Variants in THSD7A observed in about 807,000 individuals in gnomAD.
THSD7A encodes thrombospondin type 1 domain containing 7A, also known as thrombospondin type-1 domain-containing protein 7A.
THSD7A carries 96 observed loss-of-function variants against 231.3 expected under a neutral mutation model. The ratio of observed to expected loss-of-function variants is 0.41; its 90% CI spans 0.35 to 0.49. The LOEUF is 0.49. Ranked by LOEUF, THSD7A falls within the 20% of genes least tolerant of loss-of-function variation. THSD7A has a pLI of 0.05. For missense variants in THSD7A, 2,290 were observed against 2,070.2 expected, an observed-to-expected ratio of 1.11 and a Z score of -2.06; for synonymous variants, 940 against 743.3, an observed-to-expected ratio of 1.26 and a Z score of -4.30.
chr7:11,778,279 TAAATGATAAAA>T (rs147171286), intron 1 of THSD7A, among the ~76,000 whole-genome samples: 91,893 of 151,258 alleles, frequency 0.61, 28,635 homozygotes, highest in African/African-American at 0.75. Flanking sequence ...TTCCTATTTC[TAAATGATAAAA>T]AAATGATAAA....
intron 6 of THSD7A, among the ~76,000 whole-genome samples, chr7:11,502,884 CA>C (rs1787394433): frequency 6.6e-6 from 1 of 152,166 alleles, no homozygotes; most frequent in Non-Finnish European, 1.5e-5. Context: ...CTGCCCAAAG[CA>C]ATTTACAGAT....
chr7:11,450,009 A>G (rs142365817), intron 11 of THSD7A, among the ~76,000 whole-genome samples: 1,645 of 152,206 alleles, frequency 0.011, 13 homozygotes, highest in Middle Eastern at 0.027. Flanking sequence ...GTTATTTGAA[A>G]TGAGACTACT....
chr7:11,557,679 G>C (rs940408828), intron 4 of THSD7A, among the ~76,000 whole-genome samples: 2 of 152,074 alleles, frequency 1.3e-5, no homozygotes, highest in African/African-American at 4.8e-5. Flanking sequence ...AGAAGTCCAG[G>C]TTTCTTATTT....
At chr7:11,417,417 ACTCTACATTAAT>A in intron 17 of THSD7A, 21 bp downstream of exon 17, 1 of 1,524,832 alleles carries the variant, frequency 6.6e-7, no homozygotes. Flanking sequence ...AATTAAATAA[ACTCTACATTAAT>A]AAAAAGGTTA....
rs764639994 is a variant in THSD7A, at chr7:11,590,674, T to C, written c.1272-33A>G. 3 of 1,561,860 alleles carry C rather than the reference T, an allele frequency of 1.9e-6. No homozygotes were observed. The highest frequency in any genetic ancestry group is 2.6e-6 in the Non-Finnish European group (3 of 1,154,886). On this transcript the variant is annotated intron_variant, in intron 3 of 27. Coordinates refer to ENST00000423059, the MANE Select transcript of THSD7A (RefSeq NM_015204.3). This position sits in a 1 kb window ranked among gnomAD's most constrained non-coding sequence, Gnocchi z 4.4. ...AAGACAACACCACCAGCAGCAACCA[T>C]AATTATTGAATGACGTGTTTCTCTA...
intron 1 of THSD7A, among the ~76,000 whole-genome samples, chr7:11,750,377 C>T (rs1782458239): frequency 6.6e-6 from 1 of 151,828 alleles, no homozygotes; most frequent in African/African-American, 2.4e-5. Flanking sequence ...GTTGTCACTG[C>T]TATTAGTGTA....
chr7:11,748,185 T>C (rs1477291827), intron 1 of THSD7A, among the ~76,000 whole-genome samples: 1 of 151,762 alleles, frequency 6.6e-6, no homozygotes, highest in Non-Finnish European at 1.5e-5. Context: ...ACAACAGGAA[T>C]GGAGATGGGT....
At chr7:11,418,723 C>T (rs1784041603) in intron 16 of THSD7A, among the ~76,000 whole-genome samples, 1 of 152,114 alleles carries the variant, frequency 6.6e-6, no homozygotes. Context: ...AATGTCCTTT[C>T]CCTGTGGGAT....
chr7:11,428,236 T>C (rs564348205), intron 14 of THSD7A, among the ~76,000 whole-genome samples: 1 of 152,320 alleles, frequency 6.6e-6, no homozygotes, highest in South Asian at 2.1e-4. Context: ...TCTTTGCTAA[T>C]TCACTTATAG....
At chr7:11,803,747 C>T (rs1784336233) in intron 1 of THSD7A, among the ~76,000 whole-genome samples, 1 of 152,080 alleles carries the variant, frequency 6.6e-6, no homozygotes, top group Admixed American at 6.6e-5. Context: ...GTAGAATCAC[C>T]TGATGAGCTT....
At chr7:11,485,179 G>A (rs905376934) in intron 6 of THSD7A, among the ~76,000 whole-genome samples, 5 of 152,028 alleles carry the variant, frequency 3.3e-5, no homozygotes, top group South Asian at 2.1e-4. Context: ...ATGAGCCACC[G>A]CACCCAGACT....
At position 11,406,620 on chromosome 7, in the gene THSD7A, A is replaced by G. The variant is rs1330943347; in HGVS notation, c.4063-146T>C. 38 of 907,848 alleles carry G rather than the reference A, an allele frequency of 4.2e-5. No homozygotes were observed. The Admixed American group carries it at 1.1e-3, about 26-fold the overall frequency. The allele number at this position is 907,848 out of a possible 1,614,324, so 56.2% of individuals were successfully genotyped here. Reference sequence around the variant, plus strand: ...CCCTAGGGAAGAAGCCCTATAGGGCACTAGCAATAAAGCATACATTGAACA... The same window carrying G: ...CCCTAGGGAAGAAGCCCTATAGGGCGCTAGCAATAAAGCATACATTGAACA... On this transcript the variant is annotated intron_variant, in intron 21 of 27. Transcript: ENST00000423059. This position sits in a 1 kb window ranked among gnomAD's most constrained non-coding sequence, Gnocchi z 4.7.
intron 6 of THSD7A, among the ~76,000 whole-genome samples, chr7:11,502,473 G>A (rs981686462): frequency 6.6e-6 from 1 of 152,088 alleles, no homozygotes; most frequent in African/African-American, 2.4e-5. Flanking sequence ...ATACAAGACT[G>A]GTTCAACATA....
At chr7:11,393,489 A>G (rs1562573253) in intron 23 of THSD7A, among the ~76,000 whole-genome samples, 1 of 152,234 alleles carries the variant, frequency 6.6e-6, no homozygotes, top group Non-Finnish European at 1.5e-5. Context: ...CAGCAGGGGA[A>G]CAAAACTGGA....
At chr7:11,584,680 G>A (rs1459931320) in intron 4 of THSD7A, among the ~76,000 whole-genome samples, 3 of 152,102 alleles carry the variant, frequency 2.0e-5, no homozygotes, top group Non-Finnish European at 4.4e-5. Flanking sequence ...AAGATGAGAA[G>A]TTAAAAGACT....
chr7:11,553,866 C>T (rs34), intron 4 of THSD7A, among the ~76,000 whole-genome samples: 123,841 of 151,856 alleles, frequency 0.82, 50,952 homozygotes, highest in African/African-American at 0.91. Context: ...AAAATAATCT[C>T]AACACTTCTT....
intron 1 of THSD7A, among the ~76,000 whole-genome samples, chr7:11,715,680 C>A (rs991302951): frequency 6.6e-6 from 1 of 151,278 alleles, no homozygotes; most frequent in East Asian, 2.0e-4. Flanking sequence ...TAAGCTACAG[C>A]GTTATTTGAA....
At chr7:11,683,024 G>C (rs955135155) in intron 1 of THSD7A, among the ~76,000 whole-genome samples, 1 of 151,678 alleles carries the variant, frequency 6.6e-6, no homozygotes, top group East Asian at 2.0e-4. Context: ...AGGAGGCTGA[G>C]GCAGGAGAAT....
At chr7:11,657,407 A>G (rs1291448921) in intron 1 of THSD7A, among the ~76,000 whole-genome samples, 1 of 151,770 alleles carries the variant, frequency 6.6e-6, no homozygotes, top group Middle Eastern at 3.2e-3. Context: ...GCAGTGGAGC[A>G]TAGACATGGG....
Sources: gnomAD v4.1 joint callset for allele counts (sites outside exome capture counted in the v4.1 genomes callset) on GRCh38, gnomAD v4.1.1 for gene constraint, Gnocchi (gnomAD v3.1) non-coding constraint, MANE v1.5 for transcripts, NCBI Gene and HGNC (gene_info 2026-07-23, HGNC 2026-07-21) for gene names.